PIK3R6: variants seen among roughly 807,000 people sequenced by gnomAD.
PIK3R6 encodes the protein phosphoinositide 3-kinase regulatory subunit 6.
PIK3R6 carries 91 observed loss-of-function variants against 84.9 expected under a neutral mutation model. The observed-to-expected ratio is 1.07, with a 90% CI of 0.90 to 1.28. The LOEUF (loss-of-function observed/expected upper bound fraction) is 1.28, where lower values mean the gene tolerates loss of function less well. PIK3R6 is among the 50% of genes most tolerant of loss of function. PIK3R6 has a pLI of 0.00. For synonymous variants in PIK3R6, 416 were observed against 411.4 expected, an observed-to-expected ratio of 1.01 and a Z score of -0.13; for missense variants, 996 against 985.1, an observed-to-expected ratio of 1.01 and a Z score of -0.15.
In PIK3R6 at chr17:8,838,023, G is replaced by C. The variant is rs575363132; in HGVS notation, c.190-152C>G. Among the ~76,000 whole-genome samples, 8 of 152,328 alleles carry C rather than the reference G, an allele frequency of 5.3e-5. No individual in the cohort carries two copies. The South Asian group carries it at 1.0e-3, about 20-fold the overall frequency. ...CATTGTCTGCTCTGGATAGAGGAGT[G>C]GGGAGGGGAGGGCACACAGGTGAGG... is the stretch of plus-strand genomic sequence containing the variant. On this transcript the variant is annotated intron_variant, in intron 4 of 19. Transcript: ENST00000619866.
In PIK3R6 at chr17:8,833,003, C is replaced by T. The variant is rs776744603; in HGVS notation, c.688G>A (p.Val230Met). The T allele has an allele frequency of 2.0e-5, 32 of 1,610,362 alleles. No individual in the cohort carries two copies. Among genetic ancestry groups the T allele is most frequent in the Middle Eastern group, 1.6e-4 (1 of 6,080 alleles). The change falls in exon 9 of 20, where the codon GTG (valine) becomes ATG (methionine). Residue 230 changes from valine to methionine, a missense_variant. Val to Met is a conservative substitution (Grantham distance 21). Coordinates refer to ENST00000619866, the MANE Select transcript of PIK3R6 (RefSeq NM_001010855.4). The stretch of plus-strand genomic sequence containing the variant: ...CTGGCCATCTGCTCCAAGGCGGCCA[C>T]CACGGCGTGGAAATAGTGCTCCAGG... ...RTLEHYFHAV[V>M]AALEQMASEA...
intron 16 of PIK3R6, 136 bp downstream of exon 16, chr17:8,822,451 G>A (rs2087769338): frequency 4.1e-6 from 4 of 982,574 alleles, no homozygotes; most frequent in Non-Finnish European, 4.6e-6. Flanking sequence ...CTGAAGGCTG[G>A]GGAACTCTGC....
chr17:8,858,780 G>T (rs2089204827), intron 1 of PIK3R6, among the ~76,000 whole-genome samples: 1 of 152,232 alleles, frequency 6.6e-6, no homozygotes, highest in Non-Finnish European at 1.5e-5. Context: ...CACCAGCTGT[G>T]TTCTGCACTT....
intron 13 of PIK3R6, among the ~76,000 whole-genome samples, chr17:8,826,692 C>G (rs1185009661): frequency 1.3e-5 from 2 of 152,110 alleles, no homozygotes; most frequent in African/African-American, 4.8e-5. Context: ...GGCTTAAAAC[C>G]TAGATAAGGG....
At chr17:8,864,077 C>A (rs1401322399) in intron 1 of PIK3R6, among the ~76,000 whole-genome samples, 4 of 152,150 alleles carry the variant, frequency 2.6e-5, no homozygotes, top group Admixed American at 2.0e-4. Flanking sequence ...TTTGTGCATG[C>A]CTGGTGAGCA....
chr17:8,807,791 T>C (rs1028031592), intron 18 of PIK3R6, among the ~76,000 whole-genome samples: 11 of 152,034 alleles, frequency 7.2e-5, no homozygotes, highest in Non-Finnish European at 1.2e-4. Flanking sequence ...CCCTGGAGAA[T>C]GGGAGAAGAT....
chr17:8,805,820 A>T (rs1021748462), intron 18 of PIK3R6, among the ~76,000 whole-genome samples: 3 of 152,042 alleles, frequency 2.0e-5, no homozygotes, highest in Non-Finnish European at 4.4e-5. Context: ...TGAGAGGCTG[A>T]GGCAGGAGGA....
intron 2 of PIK3R6, among the ~76,000 whole-genome samples, chr17:8,843,476 G>A (rs2088739812): frequency 6.6e-6 from 1 of 152,058 alleles, no homozygotes; most frequent in Non-Finnish European, 1.5e-5. Flanking sequence ...AAGGGAAGTT[G>A]AATTTTTATG....
intron 18 of PIK3R6, among the ~76,000 whole-genome samples, chr17:8,804,942 A>G (rs2087159057): frequency 6.6e-6 from 1 of 152,250 alleles, no homozygotes; most frequent in African/African-American, 2.4e-5. Flanking sequence ...AATTGAGCCC[A>G]GGTACGGGCA....
intron 18 of PIK3R6, among the ~76,000 whole-genome samples, chr17:8,815,171 C>G (rs181270187): frequency 2.0e-5 from 3 of 152,148 alleles, no homozygotes; most frequent in Non-Finnish European, 4.4e-5. Context: ...AAACTTCATA[C>G]TTTATATATT....
At chr17:8,804,429 G>T (rs536454856) in intron 18 of PIK3R6, among the ~76,000 whole-genome samples, 1 of 152,266 alleles carries the variant, frequency 6.6e-6, no homozygotes, top group South Asian at 2.1e-4. Context: ...TTGCCAGGTT[G>T]TCAAGTTACC....
chr17:8,838,727 C>A, intron 3 of PIK3R6, 72 bp from the exon 4 acceptor site: 1 of 1,406,624 alleles, frequency 7.1e-7, no homozygotes, highest in Admixed American at 2.0e-5. Flanking sequence ...CTGAGCAGGA[C>A]CCTGAGCCCT....
chr17:8,832,817 G>T (rs2088297936), intron 9 of PIK3R6, 72 bp downstream of exon 9: 1 of 1,601,656 alleles, frequency 6.2e-7, no homozygotes, highest in Non-Finnish European at 8.5e-7. Context: ...GCTGCTCTCT[G>T]GCGCCCCCTG....
At chr17:8,837,918 C>G (rs1009325725) in intron 4 of PIK3R6, 47 bp from the exon 5 acceptor site, 3 of 1,547,300 alleles carry the variant, frequency 1.9e-6, no homozygotes, top group African/African-American at 1.4e-5. Context: ...GGGGGAATCC[C>G]CACTTCATAG....
chr17:8,840,691 T>C (rs920538848), intron 2 of PIK3R6, among the ~76,000 whole-genome samples: 2 of 148,496 alleles, frequency 1.3e-5, no homozygotes, highest in African/African-American at 4.9e-5. Context: ...AATATATATA[T>C]AAAAAACTAT....
At chr17:8,846,818 C>G (rs867400202) in intron 2 of PIK3R6, among the ~76,000 whole-genome samples, 13 of 152,248 alleles carry the variant, frequency 8.5e-5, no homozygotes, top group African/African-American at 2.9e-4. Flanking sequence ...CTACATTTCC[C>G]AAACTCCCCT....
intron 2 of PIK3R6, among the ~76,000 whole-genome samples, chr17:8,847,241 C>T (rs918855387): frequency 3.7e-4 from 56 of 152,240 alleles, no homozygotes; most frequent in African/African-American, 1.3e-3. Context: ...AAAGTCACAC[C>T]TAGAGGGCCC....
At chr17:8,827,610 G>GT (rs2087967340) in intron 12 of PIK3R6, among the ~76,000 whole-genome samples, 1 of 152,006 alleles carries the variant, frequency 6.6e-6, no homozygotes, top group Admixed American at 6.6e-5. Flanking sequence ...TGCGGTAGGA[G>GT]TAAGGACTGC....
chr17:8,825,832 AC>A (rs1310019424), intron 13 of PIK3R6, among the ~76,000 whole-genome samples: 8 of 152,240 alleles, frequency 5.3e-5, no homozygotes, highest in Non-Finnish European at 8.8e-5. Flanking sequence ...GTCTGACTAC[AC>A]CCAAGTATTA....
Sources: allele counts gnomAD v4.1 joint callset (sites outside exome capture counted in the v4.1 genomes callset), GRCh38; gene constraint gnomAD v4.1.1; transcripts MANE v1.5; gene names NCBI Gene and HGNC (gene_info 2026-07-23, HGNC 2026-07-21).